WWC1: variants seen among roughly 807,000 people sequenced by gnomAD.
The protein encoded by WWC1 is WW and C2 domain containing 1.
WWC1 carries 55 observed loss-of-function variants against 138.4 expected under a neutral mutation model. The observed-to-expected ratio is 0.40, with a 90% CI of 0.32 to 0.50. The LOEUF (loss-of-function observed/expected upper bound fraction) is 0.50, where lower values mean the gene tolerates loss of function less well. WWC1 is among the 20% of genes least tolerant of loss of function. The pLI, the probability that WWC1 is intolerant of heterozygous loss-of-function variation, is 0.72. For missense variants in WWC1, 1,226 were observed against 1,420.4 expected (o/e 0.86, Z 2.20); for synonymous variants, 524 against 564.9 (o/e 0.93, Z 1.03).
At chr5:168,371,990 G>A (rs1438639669) in intron 2 of WWC1, among the ~76,000 whole-genome samples, 2 of 151,794 alleles carry the variant, frequency 1.3e-5, no homozygotes, top group African/African-American at 4.8e-5. Context: ...GCCCCCCACA[G>A]CATGTATGCA....
At chr5:168,425,278 C>G (rs1781417168) in intron 11 of WWC1, among the ~76,000 whole-genome samples, 1 of 152,182 alleles carries the variant, frequency 6.6e-6, no homozygotes, top group African/African-American at 2.4e-5. Context: ...GCCCCACCAA[C>G]CCCATCTGGC....
In WWC1 at chr5:168,386,388, T is replaced by TC. The variant is rs1157246821; in HGVS notation, c.433+974_433+975insC. On this transcript the variant is annotated intron_variant, in intron 3 of 22. Transcript: ENST00000265293. ...AAAATCCCCTTGTTCTTTTTTTTTTTTTCTTTTTCTTTTTTTTCTTTTGAG... is the reference window on the plus strand; with the variant it reads ...AAAATCCCCTTGTTCTTTTTTTTTTTCTTCTTTTTCTTTTTTTTCTTTTGAG... 1.3e-3 allele frequency among the ~76,000 whole-genome samples: 193 copies of TC among 149,954 alleles called. 1 individual carries two copies. Among genetic ancestry groups the TC allele is most frequent in the African/African-American group, 4.6e-3 (188 of 40,802 alleles).
At chr5:168,341,786 C>T (rs964156878) in intron 1 of WWC1, among the ~76,000 whole-genome samples, 2 of 152,166 alleles carry the variant, frequency 1.3e-5, no homozygotes, top group African/African-American at 4.8e-5. Context: ...TGGTCCTTCC[C>T]TGGCCCCTTA....
chr5:168,359,795 C>T (rs1026071042), intron 1 of WWC1, among the ~76,000 whole-genome samples: 1 of 152,144 alleles, frequency 6.6e-6, no homozygotes, highest in Non-Finnish European at 1.5e-5. Context: ...CATTCAGAAT[C>T]CAGTTCTTCG....
intron 1 of WWC1, among the ~76,000 whole-genome samples, chr5:168,341,381 T>C (rs1774022357): frequency 6.6e-6 from 1 of 152,012 alleles, no homozygotes; most frequent in African/African-American, 2.4e-5. Context: ...GCTTCTGAAG[T>C]CAAGCATTTA....
chr5:168,366,362 C>T (rs1369415168), intron 1 of WWC1, among the ~76,000 whole-genome samples: 2 of 152,198 alleles, frequency 1.3e-5, no homozygotes, highest in Admixed American at 6.5e-5. Flanking sequence ...TAGGCACTTC[C>T]TTGTTTCCCA....
At chr5:168,297,976 C>A (rs969253455) in intron 1 of WWC1, among the ~76,000 whole-genome samples, 8 of 152,102 alleles carry the variant, frequency 5.3e-5, no homozygotes, top group Non-Finnish European at 1.2e-4. Flanking sequence ...TTTTTATAAT[C>A]AATTAAAATG....
In WWC1 at chr5:168,422,024, A is replaced by C. The variant is rs1449041123; in HGVS notation, c.1201A>C (p.Lys401Gln). 1.2e-6 allele frequency: 2 copies of C among 1,611,536 alleles called. No individual in the cohort carries two copies. Among genetic ancestry groups the C allele is most frequent in the South Asian group, 2.2e-5 (2 of 90,774 alleles). ...ALTERLKLNS[K>Q]RNQLVRELEE... The stretch of plus-strand genomic sequence containing the variant: ...TCCTTCCAGGTTAAAGTTAAACAGT[A>C]AGAGGAACCAGCTTGTGAGAGAACT... The change falls in exon 10 of 23, where the codon AAG (lysine) becomes CAG (glutamine). Residue 401 changes from lysine (K) to glutamine (Q), a missense_variant. This residue lies in a region of WWC1 where 1,016 missense variants were observed against 1,153.9 expected (regional missense o/e 0.88). Transcript: ENST00000265293.
chr5:168,419,286 A>G (rs1015172095), intron 9 of WWC1, among the ~76,000 whole-genome samples: 6 of 152,208 alleles, frequency 3.9e-5, no homozygotes, highest in African/African-American at 1.2e-4. Flanking sequence ...ATGGAGGCCA[A>G]CAGTGGAACA....
intron 1 of WWC1, among the ~76,000 whole-genome samples, chr5:168,296,074 G>C (rs1769514722): frequency 6.6e-6 from 1 of 152,198 alleles, no homozygotes; most frequent in South Asian, 2.1e-4. Flanking sequence ...GTGCTTTTGT[G>C]AGCTCTAGCG....
intron 1 of WWC1, among the ~76,000 whole-genome samples, chr5:168,369,276 AG>A (rs1776551523): frequency 6.6e-6 from 1 of 152,194 alleles, no homozygotes; most frequent in African/African-American, 2.4e-5. Context: ...ACAAATGGAG[AG>A]TTAGTACTGT....
chr5:168,396,267 C>G (rs148233571), intron 3 of WWC1, among the ~76,000 whole-genome samples: 1 of 152,322 alleles, frequency 6.6e-6, no homozygotes, highest in East Asian at 1.9e-4. Context: ...CCTGTAATCC[C>G]AGCTACTCAG....
intron 5 of WWC1, among the ~76,000 whole-genome samples, chr5:168,405,492 C>T (rs939024745): frequency 5.3e-5 from 8 of 152,150 alleles, no homozygotes; most frequent in Admixed American, 3.3e-4. Flanking sequence ...ACGATGCTAC[C>T]GCATAAACTA....
At chr5:168,446,549 A>G (rs1280040031) in intron 17 of WWC1, among the ~76,000 whole-genome samples, 1 of 152,222 alleles carries the variant, frequency 6.6e-6, no homozygotes, top group African/African-American at 2.4e-5. Flanking sequence ...AATTCACCTA[A>G]GCATAGAGCT....
intron 1 of WWC1, among the ~76,000 whole-genome samples, chr5:168,338,585 A>G (rs1413274440): frequency 3.3e-5 from 5 of 151,448 alleles, no homozygotes; most frequent in African/African-American, 9.7e-5. Flanking sequence ...CTAATTTTGT[A>G]TTTTTTAGTA....
rs112514380 is a variant in WWC1 at position 168,410,025 on chromosome 5, G to A, written c.941+30G>A. The stretch of plus-strand genomic sequence containing the variant: ...TTGGGCTGGGGCTAGGGGCGGGATG[G>A]TTCCAAAAATAATAACTACTATTGT... On this transcript the variant is annotated intron_variant, in intron 8 of 22. Coordinates refer to ENST00000265293, the MANE Select transcript of WWC1 (RefSeq NM_015238.3). 9 of 1,608,902 alleles carry A rather than the reference G, an allele frequency of 5.6e-6. No individual in the cohort carries two copies. In the Admixed American group the frequency reaches 1.2e-4, roughly 21 times the overall value.
At chr5:168,349,534 C>T (rs866838190) in intron 1 of WWC1, among the ~76,000 whole-genome samples, 1 of 152,206 alleles carries the variant, frequency 6.6e-6, no homozygotes, top group Non-Finnish European at 1.5e-5. Context: ...CAGGCTGGCT[C>T]TGTCACCTTC....
At chr5:168,400,629 G>A (rs1779236346) in intron 5 of WWC1, among the ~76,000 whole-genome samples, 1 of 152,184 alleles carries the variant, frequency 6.6e-6, no homozygotes, top group South Asian at 2.1e-4. Context: ...AGAAAACTGA[G>A]TCACTTAGCA....
Position 168,397,803 on chromosome 5 carries a change from A to G in WWC1, c.510+3A>G. 1 of 1,613,994 alleles carries G rather than the reference A, an allele frequency of 6.2e-7. No homozygotes were observed. Among genetic ancestry groups the G allele is most frequent in the Non-Finnish European group, 8.5e-7 (1 of 1,179,918 alleles). ...AAATTGCCACTGCAAAATCCCGGGT[A>G]GGACCTCTTCACCTATGCTATGTGC... On this transcript the variant is annotated splice_donor_region_variant and intron_variant, in intron 4 of 22. Coordinates refer to ENST00000265293, the MANE Select transcript of WWC1 (RefSeq NM_015238.3).
Sources: gnomAD v4.1 joint callset for allele counts (sites outside exome capture counted in the v4.1 genomes callset) on GRCh38, gnomAD v4.1.1 for gene constraint, gnomAD v4.1.1 regional missense constraint, MANE v1.5 for transcripts, NCBI Gene and HGNC (gene_info 2026-07-23, HGNC 2026-07-21) for gene names.